TAFA1: variants seen among roughly 807,000 people sequenced by gnomAD.
The protein encoded by TAFA1 is chemokine-like protein TAFA-1.
TAFA1 carries 4 observed loss-of-function variants against 18.5 expected under a neutral mutation model. The ratio of observed to expected loss-of-function variants is 0.22; its 90% confidence interval spans 0.11 to 0.49. The LOEUF (loss-of-function observed/expected upper bound fraction) is 0.49. Ranked by LOEUF, TAFA1 falls within the 20% of genes least tolerant of loss-of-function variation. The pLI is 0.98. For synonymous variants in TAFA1, 56 were observed against 55.2 expected, an observed-to-expected ratio of 1.01 and a Z score of -0.06; for missense variants, 147 against 169.0, an observed-to-expected ratio of 0.87 and a Z score of 0.72.
chr3:68,332,222 A>G (rs2068890063), intron 2 of TAFA1, among the ~76,000 whole-genome samples: 1 of 151,880 alleles, frequency 6.6e-6, no homozygotes, highest in Non-Finnish European at 1.5e-5. Context: ...CAAAAAGAAA[A>G]CAGAAAAAAA....
intron 2 of TAFA1, among the ~76,000 whole-genome samples, chr3:68,340,774 T>A (rs1393287190): frequency 6.6e-6 from 1 of 152,190 alleles, no homozygotes; most frequent in Non-Finnish European, 1.5e-5. Context: ...CTGTCTTACA[T>A]GTTGGGATGG....
intron 2 of TAFA1, among the ~76,000 whole-genome samples, chr3:68,169,902 G>A (rs962842114): frequency 5.9e-5 from 9 of 152,288 alleles, no homozygotes; most frequent in African/African-American, 1.7e-4. Context: ...TACAGAAGAG[G>A]TAGAGAGATA....
chr3:68,491,308 G>A (rs2072448456), intron 3 of TAFA1, among the ~76,000 whole-genome samples: 1 of 152,026 alleles, frequency 6.6e-6, no homozygotes, highest in Non-Finnish European at 1.5e-5. Context: ...AACAATGATA[G>A]ACTGGATTAA....
intron 2 of TAFA1, among the ~76,000 whole-genome samples, chr3:68,275,255 A>G: frequency 6.6e-6 from 1 of 152,116 alleles, no homozygotes; most frequent in East Asian, 1.9e-4. Context: ...AAAATGTAAT[A>G]AGTAATGTTG....
intron 2 of TAFA1, among the ~76,000 whole-genome samples, chr3:68,231,486 A>C (rs4855545): frequency 4.0e-4 from 60 of 148,540 alleles, no homozygotes; most frequent in Non-Finnish European, 6.5e-4. Context: ...TCAGCCTCCC[A>C]AGTAGCTGGG....
intron 2 of TAFA1, among the ~76,000 whole-genome samples, chr3:68,199,936 C>T (rs980702966): frequency 6.6e-6 from 1 of 151,524 alleles, no homozygotes; most frequent in Non-Finnish European, 1.5e-5. Flanking sequence ...AGTGGGAAAG[C>T]TTCTAGTTTC....
At chr3:68,045,119 C>T (rs1705241636) in intron 2 of TAFA1, among the ~76,000 whole-genome samples, 1 of 152,220 alleles carries the variant, frequency 6.6e-6, no homozygotes, top group East Asian at 1.9e-4. Flanking sequence ...GGCCAGTTAG[C>T]TGAGGTCTGG....
At position 68,497,032 on chromosome 3, in the gene TAFA1, A is replaced by G. The variant is rs147760501; in HGVS notation, c.260-41724A>G. Among the ~76,000 whole-genome samples the G allele has an allele frequency of 2.5e-3, 388 of 152,282 alleles. 3 individuals carry two copies. Among genetic ancestry groups the G allele is most frequent in the African/African-American group, 8.3e-3 (345 of 41,562 alleles). The stretch of plus-strand genomic sequence containing the variant: ...CATGAAAAAGCCCAGTGGAAAAAAG[A>G]AAATGGCCACTTGGTACAGTGCTTA... On this transcript the variant is annotated intron_variant, in intron 3 of 4. Transcript: ENST00000478136.
chr3:68,419,511 C>G (rs17047665), intron 3 of TAFA1, among the ~76,000 whole-genome samples: 2 of 152,080 alleles, frequency 1.3e-5, no homozygotes, highest in East Asian at 1.9e-4. Context: ...GAGTCCAAGG[C>G]GCAAAGGGAC....
In TAFA1 at chr3:68,228,561, C is replaced by T. The variant is rs145143207; in HGVS notation, c.119-188719C>T. Among the ~76,000 whole-genome samples the T allele has an allele frequency of 9.3e-3, 1,418 of 152,304 alleles. 15 individuals carry two copies. The highest frequency in any genetic ancestry group is 0.018 in the South Asian group (85 of 4,830). Reference sequence around the variant, plus strand: ...TTTACTTCTTTCATTTACTCCTGCTCGACTGCTTAGTTATTGATTTTCTTA... The same window carrying T: ...TTTACTTCTTTCATTTACTCCTGCTTGACTGCTTAGTTATTGATTTTCTTA... On this transcript the variant is annotated intron_variant, in intron 2 of 4. Coordinates refer to ENST00000478136, the MANE Select transcript of TAFA1 (RefSeq NM_213609.4).
intron 2 of TAFA1, among the ~76,000 whole-genome samples, chr3:68,019,132 A>C (rs1033674205): frequency 6.6e-6 from 1 of 152,230 alleles, no homozygotes; most frequent in Non-Finnish European, 1.5e-5. Flanking sequence ...ACAAATTTCT[A>C]TGTTGAGGAG....
At chr3:68,490,824 ATTTTTTCTT>A (rs1245727394) in intron 3 of TAFA1, among the ~76,000 whole-genome samples, 2 of 146,460 alleles carry the variant, frequency 1.4e-5, no homozygotes, top group Non-Finnish European at 3.0e-5. Flanking sequence ...ATCCTCTACA[ATTTTTTCTT>A]TTTTTTCTTT....
intron 2 of TAFA1, among the ~76,000 whole-genome samples, chr3:68,226,399 A>G (rs2066800622): frequency 1.3e-5 from 2 of 152,116 alleles, no homozygotes; most frequent in African/African-American, 4.8e-5. Context: ...TAGGGACATC[A>G]TTTTATATGC....
intron 2 of TAFA1, among the ~76,000 whole-genome samples, chr3:68,170,529 C>T (rs1000773549): frequency 6.6e-6 from 1 of 152,148 alleles, no homozygotes; most frequent in Admixed American, 6.5e-5. Flanking sequence ...TCCATAGAGG[C>T]ATTTGAAATG....
At chr3:68,506,254 T>C (rs141218954) in intron 3 of TAFA1, among the ~76,000 whole-genome samples, 1 of 152,252 alleles carries the variant, frequency 6.6e-6, no homozygotes, top group African/African-American at 2.4e-5. Context: ...TTCCATGGTG[T>C]ATATATGCCA....
At chr3:68,215,167 A>G (rs559251000) in intron 2 of TAFA1, among the ~76,000 whole-genome samples, 40 of 152,222 alleles carry the variant, frequency 2.6e-4, no homozygotes, top group Non-Finnish European at 4.7e-4. Flanking sequence ...GAGGAATAAT[A>G]AGAACAATAA....
intron 2 of TAFA1, among the ~76,000 whole-genome samples, chr3:68,273,246 C>T (rs1045703525): frequency 6.6e-6 from 1 of 152,024 alleles, no homozygotes; most frequent in Non-Finnish European, 1.5e-5. Flanking sequence ...AAGTGCAAAG[C>T]CCCTGGGGTA....
intron 2 of TAFA1, among the ~76,000 whole-genome samples, chr3:68,162,724 A>G (rs1394755923): frequency 6.6e-6 from 1 of 152,214 alleles, no homozygotes; most frequent in African/African-American, 2.4e-5. Flanking sequence ...AAATTCTGAA[A>G]ACACTCCAAG....
chr3:68,433,999 C>T (rs2071227464), intron 3 of TAFA1, among the ~76,000 whole-genome samples: 1 of 152,030 alleles, frequency 6.6e-6, no homozygotes, highest in African/African-American at 2.4e-5. Flanking sequence ...ATCACAGACT[C>T]AATTGACTAT....
Sources: gnomAD v4.1 joint callset for allele counts (sites outside exome capture counted in the v4.1 genomes callset) on GRCh38, gnomAD v4.1.1 for gene constraint, MANE v1.5 for transcripts, NCBI Gene and HGNC (gene_info 2026-07-23, HGNC 2026-07-21) for gene names.